MEPCE: variants seen among roughly 807,000 people sequenced by gnomAD.
The protein encoded by MEPCE is 7SK snRNA methylphosphate capping enzyme.
Under a neutral mutation model 52.3 loss-of-function variants are expected in MEPCE, and 9 were observed. The ratio of observed to expected loss-of-function variants is 0.17; its 90% CI spans 0.10 to 0.30. The LOEUF is 0.30. Among genes scored for constraint, MEPCE ranks in the 10% least tolerant of loss-of-function variants. The pLI is 1.00. For synonymous variants in MEPCE, 477 were observed against 401.6 expected (o/e 1.19, Z -2.25); for missense variants, 826 against 933.0 (o/e 0.89, Z 1.49).
chr7:100,430,678 G>T lies in MEPCE; in HGVS notation c.660G>T (p.Pro220=), dbSNP rs757564171. 8.1e-6 allele frequency: 13 copies of T among 1,613,636 alleles called. No individual in the cohort carries two copies. The highest frequency in any genetic ancestry group is 1.1e-5 in the Non-Finnish European group (13 of 1,179,990). The change falls in exon 1 of 4, where the codon CCG becomes CCT. Residue 220 remains proline (P), a synonymous_variant. Transcript: ENST00000310512. ...NAETPKSSPL[P]AKGRDPVEIL... Reference sequence around the variant, plus strand: ...AGACCCCTAAGTCATCCCCCCTTCCGGCCAAAGGGCGAGATCCGGTGGAGA... The same window carrying T: ...AGACCCCTAAGTCATCCCCCCTTCCTGCCAAAGGGCGAGATCCGGTGGAGA...
In MEPCE at chr7:100,431,228, G is replaced by A; in HGVS notation, c.1210G>A (p.Ala404Thr). Residue 404 changes from alanine to threonine, a missense_variant, in exon 1 of 4, where the codon GCA (alanine) becomes ACA (threonine). Physicochemically the swap from Ala to Thr is moderately conservative, Grantham distance 58. Coordinates refer to ENST00000310512, the MANE Select transcript of MEPCE (RefSeq NM_019606.6). ...CCACCACCACCACCCACTGCCTGCA[G>A]CAGGCTTCAAAAAGCAACAGCGCAA... ...RHHHHHPLPA[A>T]GFKKQQRKFQ... is the part of the protein sequence containing the mutation. 1.9e-6 allele frequency: 3 copies of A among 1,614,070 alleles called. No homozygotes were observed. Among genetic ancestry groups the A allele is most frequent in the African/African-American group, 2.7e-5 (2 of 75,066 alleles).
At position 100,430,230 on chromosome 7, in the gene MEPCE, G is replaced by A; in HGVS notation, c.212G>A (p.Gly71Glu). 1 of 1,336,666 alleles carries A rather than the reference G, an allele frequency of 7.5e-7. No homozygotes were observed. Among genetic ancestry groups the A allele is most frequent in the South Asian group, 2.0e-5 (1 of 49,488 alleles). The allele number at this position is 1,336,666 out of a possible 1,614,324, so 82.8% of individuals were successfully genotyped here. A position where few individuals can be genotyped will look rare whatever the true frequency, so the allele number is the denominator to read the frequency against. Reference protein sequence around the residue: ...PAAAVGRESPGAAATSSSGPQ... With the variant: ...PAAAVGRESPEAAATSSSGPQ... ...GCTGCGGTCGGTCGGGAAAGCCCCG[G>A]GGCCGCGGCCACCTCCTCCAGTGGT... The change falls in exon 1 of 4, where the codon GGG becomes GAG. Residue 71 changes from glycine (G) to glutamate (E), a missense_variant. Coordinates refer to ENST00000310512, the MANE Select transcript of MEPCE (RefSeq NM_019606.6).
In MEPCE at chr7:100,430,023, T is replaced by C; in HGVS notation, c.5T>C (p.Ile2Thr). Residue 2 changes from isoleucine (I) to threonine (T), a missense_variant, in exon 1 of 4, where the codon ATC (isoleucine) becomes ACC (threonine). Physicochemically the swap from Ile to Thr is moderately conservative, Grantham distance 89. Transcript: ENST00000310512. MIEMAAEKEPFL... is the reference protein window; with the variant it reads MTEMAAEKEPFL... The stretch of plus-strand genomic sequence containing the variant: ...GGCACGGAATAAGGGGAGGAAATGA[T>C]CGAGATGGCGGCGGAGAAGGAGCCG... 7.9e-7 allele frequency: 1 copy of C among 1,269,724 alleles called. No individual in the cohort carries two copies. Among genetic ancestry groups the C allele is most frequent in the East Asian group, 3.1e-5 (1 of 31,758 alleles). 78.7% of individuals were successfully genotyped at this position (1,269,724 alleles called of 1,614,324 possible).
chr7:100,430,101 G>T lies in MEPCE; in HGVS notation c.83G>T (p.Gly28Val). Residue 28 changes from glycine to valine, a missense_variant, in exon 1 of 4, where the codon GGC (glycine) becomes GTC (valine). Gly to Val is a moderately radical substitution (Grantham distance 109, BLOSUM62 -3). This residue lies in a region of MEPCE where 314 missense variants were observed against 277.7 expected (regional missense o/e 1.13). Transcript: ENST00000310512. ...PPLKDESGGG[G>V]GPTVPPHQEA... ...CTCAAAGATGAGTCGGGCGGAGGGG[G>T]CGGCCCCACGGTGCCACCGCACCAA... The T allele has an allele frequency of 2.4e-6, 3 of 1,262,508 alleles. No homozygotes were observed. In the South Asian group the frequency reaches 8.9e-5, roughly 37 times the overall value. 78.2% of individuals were successfully genotyped at this position (1,262,508 alleles called of 1,614,324 possible).
Position 100,433,300 on chromosome 7 carries a change from A to G in MEPCE, c.1928A>G (p.Lys643Arg), listed in dbSNP as rs143746214. ...AAGAACTACTACCGAATCCAATTGA[A>G]GCCAGAGCAGTTCAGTTCCTACCTG... Reference protein sequence around the residue: ...IYKNYYRIQLKPEQFSSYLTS... With the variant: ...IYKNYYRIQLRPEQFSSYLTS... Residue 643 changes from lysine (K) to arginine (R), a missense_variant, in exon 3 of 4, where the codon AAG becomes AGG. Around this residue, in one of 7 missense-constraint regions of MEPCE, gnomAD observed 82 missense variants for 121.4 expected, o/e 0.68. Transcript: ENST00000310512. 2.2e-5 allele frequency: 36 copies of G among 1,614,094 alleles called. No individual in the cohort carries two copies. The African/African-American group carries it at 4.5e-4, about 20-fold the overall frequency.
upstream of MEPCE, chr7:100,429,157 G>C (rs60257855): frequency 0.17 from 26,169 of 152,168 alleles, 2,391 homozygotes; most frequent in Middle Eastern, 0.2. Flanking sequence ...GTGGGCAGAG[G>C]GGGGGAGGTT....
Position 100,429,841 on chromosome 7 carries a change from G to T in MEPCE, c.-178G>T. ...TCGGGTCTCGCGGGCCTCTTGTTTT[G>T]GTCTCGCGGGCTAGTAGGGCGCACT... is the stretch of plus-strand genomic sequence containing the variant. On this transcript the variant is annotated 5_prime_UTR_variant, in exon 1 of 4. Transcript: ENST00000310512. 1 of 459,652 alleles carries T rather than the reference G, an allele frequency of 2.2e-6. No homozygotes were observed. Among genetic ancestry groups the T allele is most frequent in the Non-Finnish European group, 3.5e-6 (1 of 282,956 alleles). The allele number at this position is 459,652 out of a possible 1,614,324, so 28.5% of individuals were successfully genotyped here.
At position 100,430,065 on chromosome 7, in the gene MEPCE, C is replaced by T. The variant is rs199973116; in HGVS notation, c.47C>T (p.Pro16Leu). Residue 16 changes from proline to leucine, a missense_variant, in exon 1 of 4, where the codon CCG (proline) becomes CTG (leucine). Pro to Leu is a moderately conservative substitution (Grantham distance 98, BLOSUM62 -3). Around this residue, in one of 7 missense-constraint regions of MEPCE, gnomAD observed 314 missense variants for 277.7 expected, o/e 1.13. Transcript: ENST00000310512. ...AEKEPFLVPA[P>L]PPPLKDESGG... ...AAGGAGCCGTTTCTGGTGCCGGCCC[C>T]GCCGCCGCCGCTCAAAGATGAGTCG... The T allele has an allele frequency of 1.8e-5, 23 of 1,264,236 alleles. No homozygotes were observed. Among genetic ancestry groups the T allele is most frequent in the Non-Finnish European group, 1.2e-5 (12 of 1,004,942 alleles). 78.3% of individuals were successfully genotyped at this position (1,264,236 alleles called of 1,614,324 possible).
At chr7:100,433,213 G>C in intron 2 of MEPCE, 50 bp from the exon 3 acceptor site, 1 of 1,613,822 alleles carries the variant, frequency 6.2e-7, no homozygotes, top group Non-Finnish European at 8.5e-7. Flanking sequence ...ATCGCCCTTG[G>C]CCAGGGGAGG....
chr7:100,430,230 G>C lies in MEPCE; in HGVS notation c.212G>C (p.Gly71Ala). The change falls in exon 1 of 4, where the codon GGG becomes GCG. Residue 71 changes from glycine to alanine, a missense_variant. Physicochemically the swap from Gly to Ala is moderately conservative, Grantham distance 60. Around this residue, in one of 7 missense-constraint regions of MEPCE, gnomAD observed 314 missense variants for 277.7 expected, o/e 1.13. Transcript: ENST00000310512. ...GCTGCGGTCGGTCGGGAAAGCCCCG[G>C]GGCCGCGGCCACCTCCTCCAGTGGT... ...PAAAVGRESP[G>A]AAATSSSGPQ... is the part of the protein sequence containing the mutation. 1.5e-6 allele frequency: 2 copies of C among 1,336,666 alleles called. No homozygotes were observed. The highest frequency in any genetic ancestry group is 1.9e-6 in the Non-Finnish European group (2 of 1,048,342). The allele number at this position is 1,336,666 out of a possible 1,614,324, so 82.8% of individuals were successfully genotyped here.
At chr7:100,432,882 T>A (rs1157034830) in intron 1 of MEPCE, 37 bp from the exon 2 acceptor site, 3 of 1,592,384 alleles carry the variant, frequency 1.9e-6, no homozygotes, top group Admixed American at 1.7e-5. Context: ...GTTCTTTGAT[T>A]CCCTCAGTTG....
rs1169563171 is a variant in MEPCE, at chr7:100,431,098, C to T, written c.1080C>T (p.Ser360=). 1 of 1,613,820 alleles carries T rather than the reference C, an allele frequency of 6.2e-7. No individual in the cohort carries two copies. Among genetic ancestry groups the T allele is most frequent in the Non-Finnish European group, 8.5e-7 (1 of 1,180,034 alleles). ...SVISAPPSSS[S]RHRKRRRTSS... ...TCTCTGCACCCCCATCTTCCTCCTCCCGACATCGCAAACGTCGCAGGACTT... is the reference window on the plus strand; with the variant it reads ...TCTCTGCACCCCCATCTTCCTCCTCTCGACATCGCAAACGTCGCAGGACTT... Residue 360 remains serine (S), a synonymous_variant, in exon 1 of 4, where the codon TCC becomes TCT. Coordinates refer to ENST00000310512, the MANE Select transcript of MEPCE (RefSeq NM_019606.6).
At position 100,430,004 on chromosome 7, in the gene MEPCE, G is replaced by A; in HGVS notation, c.-15G>A. ...CCCCCTCGTTACCCCGACTGGCACG[G>A]AATAAGGGGAGGAAATGATCGAGAT... On this transcript the variant is annotated 5_prime_UTR_variant, in exon 1 of 4. Transcript: ENST00000310512. 1.6e-6 allele frequency: 2 copies of A among 1,261,806 alleles called. No individual in the cohort carries two copies. Among genetic ancestry groups the A allele is most frequent in the Non-Finnish European group, 2.0e-6 (2 of 1,003,858 alleles). 78.2% of individuals were successfully genotyped at this position (1,261,806 alleles called of 1,614,324 possible). A position where few individuals can be genotyped will look rare whatever the true frequency, so the allele number is the denominator to read the frequency against.
rs750341978 is a variant in MEPCE at position 100,431,089 on chromosome 7, TTCC to T, written c.1078_1080del (p.Ser360del). 33 of 1,613,778 alleles carry T rather than the reference TTCC, an allele frequency of 2.0e-5. No individual in the cohort carries two copies. The highest frequency in any genetic ancestry group is 2.7e-5 in the Non-Finnish European group (32 of 1,180,022). The stretch of plus-strand genomic sequence containing the variant: ...CCTCAGTTATCTCTGCACCCCCATC[TTCC>T]TCCTCCCGACATCGCAAACGTCGCA... On this transcript the variant is annotated inframe_deletion, in exon 1 of 4. Transcript: ENST00000310512.
At position 100,433,889 on chromosome 7, in the gene MEPCE, C is replaced by CCTTCT; in HGVS notation, c.*335_*336insCTTCT. 8.0e-6 allele frequency: 2 copies of CCTTCT among 250,356 alleles called. No individual in the cohort carries two copies. Among genetic ancestry groups the CCTTCT allele is most frequent in the Non-Finnish European group, 1.6e-5 (2 of 128,770 alleles). The allele number at this position is 250,356 out of a possible 1,614,324, so 15.5% of individuals were successfully genotyped here. A position where few individuals can be genotyped will look rare whatever the true frequency, so the allele number is the denominator to read the frequency against. Reference sequence around the variant, plus strand: ...CTCTAGCCCTTTCCTCCTATTCTCCCAAGGAGAGAGATTCCCATTTCTCCT... The same window carrying CCTTCT: ...CTCTAGCCCTTTCCTCCTATTCTCCCCTTCTAAGGAGAGAGATTCCCATTTCTCCT... On this transcript the variant is annotated 3_prime_UTR_variant, in exon 4 of 4. Transcript: ENST00000310512.
chr7:100,429,728 A>C, upstream of MEPCE: 2 of 325,254 alleles, frequency 6.1e-6, no homozygotes, highest in East Asian at 4.6e-5. Context: ...GGCGAAGGGA[A>C]CGCGCGCTCA....
At chr7:100,432,272 C>G (rs1220968067) in intron 1 of MEPCE, among the ~76,000 whole-genome samples, 1 of 152,186 alleles carries the variant, frequency 6.6e-6, no homozygotes, top group Non-Finnish European at 1.5e-5. Context: ...GAACCAGAAA[C>G]TCCTCTGCAG....
Position 100,433,663 on chromosome 7 carries a change from T to A in MEPCE, c.*109T>A, listed in dbSNP as rs941493446. The A allele has an allele frequency of 6.1e-6, 7 of 1,147,878 alleles. No homozygotes were observed. In the East Asian group the frequency reaches 1.7e-4, roughly 28 times the overall value. The allele number at this position is 1,147,878 out of a possible 1,614,324, so 71.1% of individuals were successfully genotyped here. The stretch of plus-strand genomic sequence containing the variant: ...TTCCTTTCTGACTCCAAAAATAGTT[T>A]CCTTTCTTGGATCTGCAAAGAAAGC... On this transcript the variant is annotated 3_prime_UTR_variant, in exon 4 of 4. Transcript: ENST00000310512.
chr7:100,433,613 G>C lies in MEPCE; in HGVS notation c.*59G>C. The C allele has an allele frequency of 2.0e-6, 3 of 1,537,498 alleles. No homozygotes were observed. In the East Asian group the frequency reaches 6.8e-5, roughly 35 times the overall value. ...CCCTCGCTGCTCATAAGGACCTGGG[G>C]GAAGAGGAAAGTGTCCCAAGGTCTT... On this transcript the variant is annotated 3_prime_UTR_variant, in exon 4 of 4. Coordinates refer to ENST00000310512, the MANE Select transcript of MEPCE (RefSeq NM_019606.6).
Sources: allele counts gnomAD v4.1 joint callset (sites outside exome capture counted in the v4.1 genomes callset), GRCh38; gene constraint gnomAD v4.1.1; regional missense constraint gnomAD v4.1.1; transcripts MANE v1.5; gene names NCBI Gene and HGNC (gene_info 2026-07-23, HGNC 2026-07-21).